Variants in NRCAM observed in about 807,000 individuals in gnomAD.
NRCAM encodes neuronal cell adhesion molecule.
A neutral mutation model predicts 156.5 loss-of-function variants in NRCAM; 83 were observed. The ratio of observed to expected loss-of-function variants is 0.53; its 90% CI spans 0.44 to 0.64. The LOEUF is 0.64. Ranked by LOEUF, NRCAM falls within the 30% of genes least tolerant of loss-of-function variation. The probability of loss-of-function intolerance (pLI) is 0.00; values close to 1 mark genes in which losing one functional copy is unlikely to be tolerated. For missense variants in NRCAM, 1,417 were observed against 1,597.3 expected, an observed-to-expected ratio of 0.89 and a Z score of 1.92; for synonymous variants, 538 against 563.9, an observed-to-expected ratio of 0.95 and a Z score of 0.65.
intron 1 of NRCAM, among the ~76,000 whole-genome samples, chr7:108,446,874 CCCA>C (rs1844882316): frequency 1.3e-5 from 2 of 151,704 alleles, no homozygotes; most frequent in Non-Finnish European, 2.9e-5. Context: ...ATTACAGACG[CCCA>C]CCACCACACC....
chr7:108,309,521 C>A (rs1454794848), intron 3 of NRCAM, among the ~76,000 whole-genome samples: 1 of 152,078 alleles, frequency 6.6e-6, no homozygotes, highest in Non-Finnish European at 1.5e-5. Context: ...TTAAAATGAT[C>A]CTGTAGGACA....
intron 11 of NRCAM, among the ~76,000 whole-genome samples, chr7:108,212,850 TC>T (rs1392261758): frequency 1.3e-5 from 2 of 152,184 alleles, no homozygotes; most frequent in African/African-American, 4.8e-5. Context: ...GGAAAACTTT[TC>T]TGGCCTTGCT....
At chr7:108,375,313 T>C (rs2099670085) in intron 2 of NRCAM, among the ~76,000 whole-genome samples, 1 of 151,368 alleles carries the variant, frequency 6.6e-6, no homozygotes, top group African/African-American at 2.4e-5. Flanking sequence ...AGCACCACTC[T>C]CTCCCCCAAA....
chr7:108,455,334 G>C (rs1855669746), intron 1 of NRCAM, among the ~76,000 whole-genome samples: 1 of 152,188 alleles, frequency 6.6e-6, no homozygotes, highest in African/African-American at 2.4e-5. Context: ...CGCAGATGGC[G>C]CTCGCTGCGA....
At position 108,273,053 on chromosome 7, in the gene NRCAM, C is replaced by A. The variant is rs183100375; in HGVS notation, c.-106-32883G>T. Among the ~76,000 whole-genome samples, 41 of 152,270 alleles carry A rather than the reference C, an allele frequency of 2.7e-4. 1 individual carries two copies. The highest frequency in any genetic ancestry group is 9.9e-4 in the African/African-American group (41 of 41,554). ...GAGAATGATGGTTTCCAGCTTCATC[C>A]ATGTCCCTACAAAGGACATGAACTC... On this transcript the variant is annotated intron_variant, in intron 3 of 32. Coordinates refer to ENST00000379028, the MANE Select transcript of NRCAM (RefSeq NM_001037132.4).
intron 30 of NRCAM, among the ~76,000 whole-genome samples, chr7:108,162,899 T>C (rs2050151788): frequency 6.6e-6 from 1 of 152,142 alleles, no homozygotes; most frequent in African/African-American, 2.4e-5. Flanking sequence ...AAAGAAAAGA[T>C]TTAAATTCCA....
intron 32 of NRCAM, chr7:108,156,586 T>C (rs756318778): frequency 2.2e-4 from 36 of 166,260 alleles, no homozygotes; most frequent in Non-Finnish European, 7.4e-5. Context: ...CTATCCCTCT[T>C]TGCACTATGA....
chr7:108,432,541 T>C (rs1056243478), intron 1 of NRCAM, among the ~76,000 whole-genome samples: 2 of 152,210 alleles, frequency 1.3e-5, no homozygotes, highest in Non-Finnish European at 2.9e-5. Context: ...GTATTTAGTG[T>C]GCACACTGAA....
At chr7:108,401,876 C>T (rs370876536) in intron 1 of NRCAM, among the ~76,000 whole-genome samples, 2 of 152,366 alleles carry the variant, frequency 1.3e-5, no homozygotes, top group East Asian at 3.9e-4. Flanking sequence ...CATCCTCACA[C>T]TGGAAAGTGG....
chr7:108,221,399 G>A (rs1196964445), intron 11 of NRCAM, among the ~76,000 whole-genome samples: 2 of 152,148 alleles, frequency 1.3e-5, no homozygotes, highest in South Asian at 2.1e-4. Context: ...ACTTGCACAC[G>A]CATGTTTATA....
chr7:108,338,988 A>G (rs1161907154), intron 2 of NRCAM, among the ~76,000 whole-genome samples: 1 of 152,138 alleles, frequency 6.6e-6, no homozygotes, highest in Non-Finnish European at 1.5e-5. Flanking sequence ...TTTAGAGGAA[A>G]CCTCATTGTG....
chr7:108,337,280 AC>A (rs1376463150), intron 2 of NRCAM, among the ~76,000 whole-genome samples: 1 of 148,182 alleles, frequency 6.7e-6, no homozygotes, highest in Admixed American at 6.8e-5. Context: ...AAAAAAAAAA[AC>A]CACGGCTACC....
At chr7:108,301,611 T>A (rs1351568353) in intron 3 of NRCAM, among the ~76,000 whole-genome samples, 1 of 152,218 alleles carries the variant, frequency 6.6e-6, no homozygotes, top group Non-Finnish European at 1.5e-5. Context: ...AGATTTTTTT[T>A]CTTTTGCTTA....
chr7:108,317,554 C>T (rs1206057119), intron 2 of NRCAM, among the ~76,000 whole-genome samples: 1 of 152,064 alleles, frequency 6.6e-6, no homozygotes, highest in Non-Finnish European at 1.5e-5. Context: ...GTTCACTGAA[C>T]ATAAAACAAA....
chr7:108,191,550 C>T (rs1330698453), intron 18 of NRCAM, among the ~76,000 whole-genome samples, 179 bp downstream of exon 18: 1 of 152,200 alleles, frequency 6.6e-6, no homozygotes, highest in Non-Finnish European at 1.5e-5. Flanking sequence ...TGCTGCTACA[C>T]AGTCTATTTA....
chr7:108,234,405 G>T (rs1221180447), intron 6 of NRCAM, among the ~76,000 whole-genome samples, 178 bp downstream of exon 6: 1 of 152,160 alleles, frequency 6.6e-6, no homozygotes, highest in African/African-American at 2.4e-5. Flanking sequence ...GCTGAAATGG[G>T]CTGGGATAGA....
At chr7:108,368,608 A>G (rs2099608714) in intron 2 of NRCAM, among the ~76,000 whole-genome samples, 1 of 152,162 alleles carries the variant, frequency 6.6e-6, no homozygotes, top group Non-Finnish European at 1.5e-5. Context: ...TTGCTATGGA[A>G]TCCTTTCCTG....
intron 1 of NRCAM, among the ~76,000 whole-genome samples, chr7:108,454,777 GCTCCAT>G (rs1331281245): frequency 6.6e-6 from 1 of 152,136 alleles, no homozygotes; most frequent in Admixed American, 6.5e-5. Flanking sequence ...ATTACACTTG[GCTCCAT>G]CTCCTCCTGC....
intron 2 of NRCAM, among the ~76,000 whole-genome samples, chr7:108,351,041 C>T (rs1440375224): frequency 4.6e-5 from 7 of 152,158 alleles, no homozygotes; most frequent in Admixed American, 2.6e-4. Flanking sequence ...AGGGGTGCTA[C>T]GATTTGAATA....
Sources: gnomAD v4.1 joint callset for allele counts (sites outside exome capture counted in the v4.1 genomes callset) on GRCh38, gnomAD v4.1.1 for gene constraint, MANE v1.5 for transcripts, NCBI Gene and HGNC (gene_info 2026-07-23, HGNC 2026-07-21) for gene names.